Variants in RNF17 observed in about 807,000 individuals in gnomAD.
The protein encoded by RNF17 is ring finger protein 17.
A neutral mutation model predicts 200.5 loss-of-function variants in RNF17; 31 were observed. The observed-to-expected ratio is 0.15, with a 90% CI of 0.12 to 0.21. The LOEUF (loss-of-function observed/expected upper bound fraction) is 0.21, where lower values mean the gene tolerates loss of function less well. RNF17 is among the 10% of genes least tolerant of loss of function. The probability of loss-of-function intolerance (pLI) is 1.00; values close to 1 mark genes in which losing one functional copy is unlikely to be tolerated. For missense variants in RNF17, 1,628 were observed against 1,905.1 expected (o/e 0.85, Z 2.71); for synonymous variants, 606 against 637.8 (o/e 0.95, Z 0.75).
At chr13:24,865,106 A>G (rs1023381881) in intron 29 of RNF17, 108 bp downstream of exon 29, 9 of 813,972 alleles carry the variant, frequency 1.1e-5, no homozygotes, top group African/African-American at 9.0e-5. Context: ...TATCTGATCT[A>G]TTAAGAGAGT....
chr13:24,753,761 G>A, the RNF17 span, among the ~76,000 whole-genome samples: 1 of 152,152 alleles, frequency 6.6e-6, no homozygotes, highest in Non-Finnish European at 1.5e-5. Context: ...AAAATGTTTT[G>A]TTTTGTTTTG....
At chr13:24,887,632 T>C in the RNF17 span, among the ~76,000 whole-genome samples, 1 of 152,044 alleles carries the variant, frequency 6.6e-6, no homozygotes, top group Non-Finnish European at 1.5e-5. Flanking sequence ...TTCTACATTA[T>C]GGTGAGTTGT....
chr13:24,859,816 T>C lies in RNF17; in HGVS notation c.3774+652T>C, dbSNP rs1187881083. On this transcript the variant is annotated intron_variant, in intron 26 of 35. Transcript: ENST00000255324. ...TTGATGATGATAACTAATGATTACATAGCACTTCAGGTTTTTTAGCTTCCT... is the reference window on the plus strand; with the variant it reads ...TTGATGATGATAACTAATGATTACACAGCACTTCAGGTTTTTTAGCTTCCT... 4.6e-5 allele frequency among the ~76,000 whole-genome samples: 7 copies of C among 152,118 alleles called. No homozygotes were observed. In the East Asian group the frequency reaches 1.3e-3, roughly 29 times the overall value.
intron 18 of RNF17, among the ~76,000 whole-genome samples, chr13:24,841,516 A>G (rs1380055207): frequency 7.9e-5 from 12 of 152,220 alleles, no homozygotes; most frequent in Admixed American, 7.9e-4. Flanking sequence ...ACCTAAAATA[A>G]AATGTTCACT....
At chr13:24,866,531 A>G (rs997605393) in intron 30 of RNF17, among the ~76,000 whole-genome samples, 7 of 152,200 alleles carry the variant, frequency 4.6e-5, no homozygotes, top group African/African-American at 1.7e-4. Flanking sequence ...ATCATACACT[A>G]TGTGGTCCTT....
intron 2 of RNF17, among the ~76,000 whole-genome samples, chr13:24,768,301 T>TC (rs1161210926): frequency 2.6e-5 from 4 of 151,356 alleles, no homozygotes; most frequent in African/African-American, 9.7e-5. Context: ...TTTTTTTTTT[T>TC]TGAGACGGAG....
chr13:24,835,287 C>T (rs573511912), intron 18 of RNF17, among the ~76,000 whole-genome samples: 1 of 152,274 alleles, frequency 6.6e-6, no homozygotes, highest in East Asian at 1.9e-4. Flanking sequence ...AGTTCTACGG[C>T]CCCGCCCATC....
chr13:24,853,528 C>T (rs1892160120), intron 24 of RNF17, among the ~76,000 whole-genome samples: 1 of 151,882 alleles, frequency 6.6e-6, no homozygotes, highest in African/African-American at 2.4e-5. Flanking sequence ...TATGTGTGGA[C>T]TAAATTGAAA....
chr13:24,756,820 A>G, the RNF17 span, among the ~76,000 whole-genome samples: 1 of 152,208 alleles, frequency 6.6e-6, no homozygotes, highest in African/African-American at 2.4e-5. Flanking sequence ...CTGTTCTGCC[A>G]TTCCCTTCAT....
intron 1 of RNF17, 81 bp from the exon 2 acceptor site, chr13:24,767,191 T>A (rs1879820869): frequency 8.3e-6 from 8 of 964,006 alleles, no homozygotes; most frequent in Non-Finnish European, 1.1e-5. Context: ...GCCACTACAC[T>A]CCAGCTTGGG....
At chr13:24,789,600 T>G (rs1883582712) in intron 8 of RNF17, 98 bp from the exon 9 acceptor site, 1 of 924,610 alleles carries the variant, frequency 1.1e-6, no homozygotes, top group Admixed American at 2.0e-5. Flanking sequence ...TTTAAATGTT[T>G]CCTTTTCAAT....
chr13:24,854,959 T>A (rs1158980792), intron 25 of RNF17, among the ~76,000 whole-genome samples: 1 of 152,154 alleles, frequency 6.6e-6, no homozygotes, highest in Non-Finnish European at 1.5e-5. Context: ...ACGTCTCCTG[T>A]TTTGCCACCC....
chr13:24,782,407 A>G (rs1024548505), intron 6 of RNF17, among the ~76,000 whole-genome samples: 1 of 151,816 alleles, frequency 6.6e-6, no homozygotes, highest in Non-Finnish European at 1.5e-5. Context: ...TACATTGTCC[A>G]TGCTTTTCCC....
rs747934986 is a variant in RNF17 at position 24,778,400 on chromosome 13, A to G, written c.423A>G (p.Val141=). The change falls in exon 4 of 36, where the codon GTA becomes GTG. Residue 141 remains valine, a synonymous_variant. Coordinates refer to ENST00000255324, the MANE Select transcript of RNF17 (RefSeq NM_031277.3). ...AGACTCTTTTGAACTCATCAGCTGTAATGTTGGTATGAAACATATTGGTCA... is the reference window on the plus strand; with the variant it reads ...AGACTCTTTTGAACTCATCAGCTGTGATGTTGGTATGAAACATATTGGTCA... The part of the protein sequence containing the change: ...TDKTLLNSSA[V]MLDTNTAEEI... 1.1e-5 allele frequency: 17 copies of G among 1,606,002 alleles called. No individual in the cohort carries two copies. Among genetic ancestry groups the G allele is most frequent in the Non-Finnish European group, 1.4e-5 (17 of 1,172,676 alleles).
downstream of RNF17, among the ~76,000 whole-genome samples, chr13:24,881,731 A>ATTAT (rs986400451): frequency 6.8e-6 from 1 of 147,244 alleles, no homozygotes; most frequent in Non-Finnish European, 1.5e-5. Context: ...ATCTATCTAG[A>ATTAT]TTATCTAGAT....
In RNF17 at chr13:24,796,240, G is replaced by A. The variant is rs1419630019; in HGVS notation, c.1344G>A (p.Val448=). The A allele has an allele frequency of 6.2e-7, 1 of 1,612,388 alleles. No individual in the cohort carries two copies. The highest frequency in any genetic ancestry group is 1.7e-5 in the Admixed American group (1 of 59,936). ...IKDAKVLEKK[V]NEFCNRSSHL... is the part of the protein sequence containing the mutation. ...ACGCCAAAGTACTGGAGAAGAAGGT[G>A]AATGAATTTTGCAATAGGAGTTCAC... The change falls in exon 11 of 36, where the codon GTG becomes GTA. Residue 448 remains valine, a synonymous_variant. Coordinates refer to ENST00000255324, the MANE Select transcript of RNF17 (RefSeq NM_031277.3).
At chr13:24,767,641 G>A (rs183146260) in intron 2 of RNF17, among the ~76,000 whole-genome samples, 10 of 151,764 alleles carry the variant, frequency 6.6e-5, no homozygotes, top group Non-Finnish European at 8.8e-5. Flanking sequence ...CCAGCTGCTC[G>A]GTAGCCTGAA....
chr13:24,790,132 G>C (rs953962770), intron 9 of RNF17, among the ~76,000 whole-genome samples: 1 of 152,266 alleles, frequency 6.6e-6, no homozygotes, highest in East Asian at 1.9e-4. Flanking sequence ...GAATTTACTT[G>C]AGGTGCCAAG....
chr13:24,881,162 T>G (rs1251439004), downstream of RNF17, among the ~76,000 whole-genome samples: 1 of 152,124 alleles, frequency 6.6e-6, no homozygotes, highest in East Asian at 1.9e-4. Context: ...ACATTTTTTT[T>G]TTTTTCCTTT....
Sources: allele counts gnomAD v4.1 joint callset (sites outside exome capture counted in the v4.1 genomes callset), GRCh38; gene constraint gnomAD v4.1.1; transcripts MANE v1.5; gene names NCBI Gene and HGNC (gene_info 2026-07-23, HGNC 2026-07-21).